The following GRK5 variants were observed in gnomAD, a reference collection of about 807,000 sequenced individuals.
The protein encoded by GRK5 is G protein-coupled receptor kinase 5, also known as g protein-coupled receptor kinase GRK5.
Under a neutral mutation model 78.4 loss-of-function variants are expected in GRK5, and 40 were observed. That is an observed-to-expected ratio of 0.51 (90% CI 0.40 to 0.66). GRK5 has a LOEUF of 0.66. Among genes scored for constraint, GRK5 ranks in the 30% least tolerant of loss-of-function variants. GRK5 has a pLI of 0.00. For synonymous variants in GRK5, 289 were observed against 296.8 expected, an observed-to-expected ratio of 0.97 and a Z score of 0.27; for missense variants, 598 against 759.9, an observed-to-expected ratio of 0.79 and a Z score of 2.50.
At chr10:119,228,038 G>C (rs1390328516) in intron 1 of GRK5, among the ~76,000 whole-genome samples, 1 of 152,004 alleles carries the variant, frequency 6.6e-6, no homozygotes, top group Non-Finnish European at 1.5e-5. Flanking sequence ...GAGGTTAATT[G>C]GAAACAGTTC....
chr10:119,217,558 C>A lies in GRK5; in HGVS notation c.52+9589C>A, dbSNP rs1848594783. Reference sequence around the variant, plus strand: ...GAGGCCAGCCTCTTGCGTTATTTTTCCCCTCAGCATGGCTAGTGGCCAACG... The same window carrying A: ...GAGGCCAGCCTCTTGCGTTATTTTTACCCTCAGCATGGCTAGTGGCCAACG... On this transcript the variant is annotated intron_variant, in intron 1 of 15. Coordinates refer to ENST00000392870, the MANE Select transcript of GRK5 (RefSeq NM_005308.3). This position sits in a 1 kb window ranked among gnomAD's most constrained non-coding sequence, Gnocchi z 4.1. Among the ~76,000 whole-genome samples the A allele has an allele frequency of 6.6e-6, 1 of 152,238 alleles. No individual in the cohort carries two copies. Among genetic ancestry groups the A allele is most frequent in the Non-Finnish European group, 1.5e-5 (1 of 68,046 alleles).
At chr10:119,249,135 G>A (rs573818356) in intron 1 of GRK5, among the ~76,000 whole-genome samples, 1 of 152,246 alleles carries the variant, frequency 6.6e-6, no homozygotes, top group Non-Finnish European at 1.5e-5. Flanking sequence ...GCCGGGCATG[G>A]TGGCGGGTGC....
intron 1 of GRK5, among the ~76,000 whole-genome samples, chr10:119,246,019 C>CACA (rs1849103994): frequency 1.4e-4 from 2 of 14,036 alleles, no homozygotes; most frequent in Non-Finnish European, 2.7e-4. Context: ...GACTCCATCT[C>CACA]AAAAAAAAAA....
chr10:119,216,280 G>C (rs1040739453), intron 1 of GRK5, among the ~76,000 whole-genome samples: 2 of 152,198 alleles, frequency 1.3e-5, no homozygotes, highest in East Asian at 3.8e-4. Context: ...TTTTTAAAAA[G>C]GTAATGATGA....
chr10:119,403,062 C>T (rs1852176057), intron 4 of GRK5, among the ~76,000 whole-genome samples: 1 of 152,216 alleles, frequency 6.6e-6, no homozygotes, highest in Non-Finnish European at 1.5e-5. Flanking sequence ...TCCCTGTTCC[C>T]CTTTCCTCCC....
intron 12 of GRK5, among the ~76,000 whole-genome samples, chr10:119,446,811 T>C (rs1467957828): frequency 6.6e-6 from 1 of 152,162 alleles, no homozygotes; most frequent in East Asian, 1.9e-4. Context: ...CTCCAGACCC[T>C]GAGCCCCAAG....
chr10:119,311,201 C>T (rs1217271380), intron 1 of GRK5, among the ~76,000 whole-genome samples: 1 of 152,180 alleles, frequency 6.6e-6, no homozygotes, highest in Non-Finnish European at 1.5e-5. Flanking sequence ...TCTGTTTATC[C>T]ATCCATCCAT....
chr10:119,307,881 T>C (rs1214678670), intron 1 of GRK5, among the ~76,000 whole-genome samples: 2 of 152,036 alleles, frequency 1.3e-5, no homozygotes, highest in East Asian at 1.9e-4. Flanking sequence ...AAGCATTTTC[T>C]AGGAAGCCTT....
rs1851680066 is a variant in GRK5, at chr10:119,379,630, A to G, written c.149-1185A>G. Among the ~76,000 whole-genome samples the G allele has an allele frequency of 6.6e-6, 1 of 151,508 alleles. No homozygotes were observed. The highest frequency in any genetic ancestry group is 6.6e-5 in the Admixed American group (1 of 15,220). On this transcript the variant is annotated intron_variant, in intron 2 of 15. Coordinates refer to ENST00000392870, the MANE Select transcript of GRK5 (RefSeq NM_005308.3). The surrounding 1 kb of genome is among the most constrained non-coding windows in gnomAD (Gnocchi z 4.1). ...TCGCCCTCTTCCCTGTTTCCCACGA[A>G]CTCATCCGACTGTGTCCCGTGCAGC...
intron 4 of GRK5, among the ~76,000 whole-genome samples, chr10:119,417,386 T>C (rs895502093): frequency 1.3e-5 from 2 of 152,224 alleles, no homozygotes; most frequent in Non-Finnish European, 2.9e-5. Flanking sequence ...ATGGCGCCTG[T>C]GAAGCGGCAG....
At chr10:119,248,652 G>A (rs187036565) in intron 1 of GRK5, among the ~76,000 whole-genome samples, 5 of 152,042 alleles carry the variant, frequency 3.3e-5, no homozygotes, top group Admixed American at 1.3e-4. Context: ...AATCCACCCC[G>A]CTGTGTTTCT....
rs1399807392 is a variant in GRK5 at position 119,456,795 on chromosome 10, G to A, written c.*1728G>A. 2.6e-5 allele frequency: 4 copies of A among 152,310 alleles called. No homozygotes were observed. Among genetic ancestry groups the A allele is most frequent in the Non-Finnish European group, 5.9e-5 (4 of 68,110 alleles). 9.4% of individuals were successfully genotyped at this position (152,310 alleles called of 1,614,324 possible). ...TGACGCAGGCAGCATTGGAGCATGA[G>A]CCGTGGGGAGGACAGTCGTGAGCAC... On this transcript the variant is annotated 3_prime_UTR_variant, in exon 16 of 16. Coordinates refer to ENST00000392870, the MANE Select transcript of GRK5 (RefSeq NM_005308.3). The surrounding 1 kb of genome is among the most constrained non-coding windows in gnomAD (Gnocchi z 5.5).
chr10:119,366,721 G>A (rs1257327926), intron 2 of GRK5, among the ~76,000 whole-genome samples: 1 of 152,170 alleles, frequency 6.6e-6, no homozygotes, highest in Admixed American at 6.5e-5. Flanking sequence ...GTACATCTAG[G>A]TGACAGGGGT....
chr10:119,432,108 A>AGT (rs1171428542), intron 8 of GRK5, among the ~76,000 whole-genome samples: 2 of 152,202 alleles, frequency 1.3e-5, no homozygotes, highest in African/African-American at 4.8e-5. Context: ...CTTGAAAGTG[A>AGT]GTGCTAGGGG....
At chr10:119,364,673 G>A (rs1851417587) in intron 2 of GRK5, among the ~76,000 whole-genome samples, 1 of 151,762 alleles carries the variant, frequency 6.6e-6, no homozygotes, top group South Asian at 2.1e-4. Context: ...CCCCATGAAG[G>A]CATCCTTGAA....
intron 4 of GRK5, among the ~76,000 whole-genome samples, chr10:119,418,214 A>G (rs1308467701): frequency 6.6e-6 from 1 of 152,212 alleles, no homozygotes; most frequent in African/African-American, 2.4e-5. Flanking sequence ...TTTTACCTCC[A>G]GGTGAAGGGG....
intron 2 of GRK5, chr10:119,330,173 A>C (rs554264998): frequency 6.6e-6 from 1 of 152,050 alleles, no homozygotes. Context: ...TTTCTCCTTC[A>C]TGTAACCTAT....
chr10:119,352,943 C>G (rs1851208503), intron 2 of GRK5, among the ~76,000 whole-genome samples: 1 of 152,230 alleles, frequency 6.6e-6, no homozygotes. Context: ...CTCCGTCCTC[C>G]CTCTCTCTCC....
At chr10:119,245,455 G>A (rs1360252140) in intron 1 of GRK5, among the ~76,000 whole-genome samples, 2 of 152,148 alleles carry the variant, frequency 1.3e-5, no homozygotes, top group African/African-American at 4.8e-5. Flanking sequence ...TTATTAAAAA[G>A]GAAATCCTGC....
Sources: gnomAD v4.1 joint callset for allele counts (sites outside exome capture counted in the v4.1 genomes callset) on GRCh38, gnomAD v4.1.1 for gene constraint, Gnocchi (gnomAD v3.1) non-coding constraint, MANE v1.5 for transcripts, NCBI Gene and HGNC (gene_info 2026-07-23, HGNC 2026-07-21) for gene names.